Variants in SGCD observed in about 807,000 individuals in gnomAD.
SGCD encodes the protein sarcoglycan delta, also known as delta-sarcoglycan.
In SGCD, 18 loss-of-function variants were observed where a neutral mutation model predicts 36.6. That is an observed-to-expected ratio of 0.49 (90% confidence interval 0.34 to 0.73). The LOEUF is 0.73. SGCD is among the 30% of genes least tolerant of loss of function. SGCD has a pLI of 0.01. For synonymous variants in SGCD, 133 were observed against 130.6 expected (o/e 1.02, Z -0.12); for missense variants, 387 against 346.7 (o/e 1.12, Z -0.92).
At chr5:156,638,405 G>A (rs557039262) in intron 6 of SGCD, among the ~76,000 whole-genome samples, 2 of 152,274 alleles carry the variant, frequency 1.3e-5, no homozygotes, top group African/African-American at 4.8e-5. Context: ...GATATGGATG[G>A]AGAGCCACAT....
chr5:156,012,180 A>T (rs1258788872), intron 1 of SGCD, among the ~76,000 whole-genome samples: 1 of 152,228 alleles, frequency 6.6e-6, no homozygotes, highest in Non-Finnish European at 1.5e-5. Context: ...TTAGCAGATA[A>T]TCATTATTTT....
intron 2 of SGCD, among the ~76,000 whole-genome samples, chr5:156,342,761 T>C (rs1156346061): frequency 6.6e-6 from 1 of 152,210 alleles, no homozygotes; most frequent in Non-Finnish European, 1.5e-5. Flanking sequence ...TTTGCAAGTA[T>C]ACAAACAAGA....
chr5:156,525,642 A>T (rs543895053), intron 4 of SGCD, among the ~76,000 whole-genome samples: 1 of 152,178 alleles, frequency 6.6e-6, no homozygotes, highest in African/African-American at 2.4e-5. Flanking sequence ...ATATAAGAAA[A>T]AAGTCATTTC....
chr5:156,746,908 C>CA (rs57805501), intron 7 of SGCD, among the ~76,000 whole-genome samples: 6,070 of 150,738 alleles, frequency 0.04, 397 homozygotes, highest in African/African-American at 0.14. Flanking sequence ...CATTAAGAGA[C>CA]ACTGCTTAAA....
At chr5:155,758,315 G>A in the SGCD span, among the ~76,000 whole-genome samples, 1 of 152,174 alleles carries the variant, frequency 6.6e-6, no homozygotes, top group Non-Finnish European at 1.5e-5. Flanking sequence ...TTCCTGATTG[G>A]TGTTAGCTCT....
chr5:156,594,635 G>C (rs1003454202), intron 5 of SGCD, among the ~76,000 whole-genome samples: 1 of 152,168 alleles, frequency 6.6e-6, no homozygotes, highest in Non-Finnish European at 1.5e-5. Context: ...TTGGTGGTTA[G>C]CTGAGGGAAA....
intron 7 of SGCD, among the ~76,000 whole-genome samples, chr5:156,657,645 C>G (rs1443127692): frequency 6.6e-6 from 1 of 152,018 alleles, no homozygotes; most frequent in Non-Finnish European, 1.5e-5. Context: ...TGCCGGTAAT[C>G]CCAGCTAGTT....
At chr5:156,052,626 A>G (rs1183774965) in intron 1 of SGCD, among the ~76,000 whole-genome samples, 3 of 146,102 alleles carry the variant, frequency 2.1e-5, no homozygotes, top group Admixed American at 1.4e-4. Context: ...TAGAAAATAT[A>G]TGTCGTATAA....
At chr5:156,597,736 C>T (rs1760988580) in intron 6 of SGCD, among the ~76,000 whole-genome samples, 1 of 149,398 alleles carries the variant, frequency 6.7e-6, no homozygotes, top group African/African-American at 2.5e-5. Context: ...TTTTTTAAAA[C>T]CCCTTATGTG....
chr5:156,595,240 A>G (rs1047355368), intron 6 of SGCD, among the ~76,000 whole-genome samples, 189 bp downstream of exon 6: 2 of 152,042 alleles, frequency 1.3e-5, no homozygotes, highest in Non-Finnish European at 2.9e-5. Context: ...GCCCTCATGA[A>G]TGGGATTAGT....
intron 6 of SGCD, among the ~76,000 whole-genome samples, chr5:156,621,951 G>T (rs1762268062): frequency 1.3e-5 from 2 of 152,202 alleles, no homozygotes; most frequent in South Asian, 4.1e-4. Context: ...TGACAAATAG[G>T]CAAGTTCCCC....
At chr5:155,849,296 A>G in the SGCD span, among the ~76,000 whole-genome samples, 4 of 152,138 alleles carry the variant, frequency 2.6e-5, no homozygotes, top group Admixed American at 6.6e-5. Flanking sequence ...AAGTTCACCA[A>G]CTGAAATATT....
At chr5:156,684,445 AT>A (rs1753834806) in intron 7 of SGCD, among the ~76,000 whole-genome samples, 1 of 152,200 alleles carries the variant, frequency 6.6e-6, no homozygotes. Flanking sequence ...ATGGTGAATT[AT>A]TTCCAGAATC....
chr5:156,136,588 A>G (rs1581121708), intron 3 of SGCD, among the ~76,000 whole-genome samples: 2 of 152,338 alleles, frequency 1.3e-5, no homozygotes, highest in South Asian at 4.1e-4. Flanking sequence ...GACCCTCAAT[A>G]GTTTATGATT....
intron 1 of SGCD, among the ~76,000 whole-genome samples, chr5:155,925,160 T>C (rs112150408): frequency 1.9e-3 from 297 of 152,372 alleles, no homozygotes; most frequent in Admixed American, 2.4e-3. Context: ...AATACCTAGA[T>C]ATATTAATCT....
intron 7 of SGCD, among the ~76,000 whole-genome samples, chr5:156,691,895 A>G (rs1754125148): frequency 6.6e-6 from 1 of 152,204 alleles, no homozygotes; most frequent in Admixed American, 6.5e-5. Context: ...CATTATCCAA[A>G]TCAATAATGC....
At chr5:156,723,741 G>C (rs1385158565) in intron 7 of SGCD, among the ~76,000 whole-genome samples, 3 of 152,196 alleles carry the variant, frequency 2.0e-5, no homozygotes, top group African/African-American at 7.2e-5. Flanking sequence ...ATCAAGGTTA[G>C]AGATCAGAGG....
chr5:155,912,930 T>C (rs1756661146), intron 1 of SGCD, among the ~76,000 whole-genome samples: 1 of 152,174 alleles, frequency 6.6e-6, no homozygotes, highest in East Asian at 1.9e-4. Flanking sequence ...ATTTAAGTCT[T>C]TAGAAAGATA....
At chr5:156,496,952 C>A (rs1286586367) in intron 3 of SGCD, among the ~76,000 whole-genome samples, 1 of 152,112 alleles carries the variant, frequency 6.6e-6, no homozygotes, top group Admixed American at 6.6e-5. Context: ...ATCCCAACTT[C>A]TTTTGACTGA....
Sources: allele counts gnomAD v4.1 joint callset (sites outside exome capture counted in the v4.1 genomes callset), GRCh38; gene constraint gnomAD v4.1.1; transcripts MANE v1.5; gene names NCBI Gene and HGNC (gene_info 2026-07-23, HGNC 2026-07-21).